Variants in CDH4 observed in about 807,000 individuals in gnomAD.
CDH4 encodes the protein cadherin 4, also known as cadherin-4.
In CDH4, 33 loss-of-function variants were observed where a neutral mutation model predicts 86.0. The ratio of observed to expected loss-of-function variants is 0.38; its 90% confidence interval spans 0.29 to 0.51. The LOEUF (loss-of-function observed/expected upper bound fraction) is 0.51, where lower values mean the gene tolerates loss of function less well. CDH4 is among the 20% of genes least tolerant of loss of function. The pLI, the probability that CDH4 is intolerant of heterozygous loss-of-function variation, is 0.86. For synonymous variants in CDH4, 555 were observed against 549.4 expected, an observed-to-expected ratio of 1.01 and a Z score of -0.14; for missense variants, 1,114 against 1,307.4, an observed-to-expected ratio of 0.85 and a Z score of 2.28.
intron 2 of CDH4, among the ~76,000 whole-genome samples, chr20:61,359,229 G>A (rs976868919): frequency 6.6e-6 from 1 of 152,156 alleles, no homozygotes; most frequent in Non-Finnish European, 1.5e-5. Context: ...ACCTGGCGAG[G>A]TATTTATTCT....
chr20:61,384,258 C>G (rs527836757), intron 2 of CDH4, among the ~76,000 whole-genome samples: 9 of 152,212 alleles, frequency 5.9e-5, no homozygotes, highest in African/African-American at 2.2e-4. Flanking sequence ...TAGGTTGACA[C>G]CCAGTATTAA....
intron 2 of CDH4, among the ~76,000 whole-genome samples, chr20:61,376,014 GATACTGTGGTTTGTGGATGGTAGT>G (rs2084869782): frequency 3.3e-5 from 3 of 91,890 alleles, no homozygotes; most frequent in African/African-American, 7.9e-5. Flanking sequence ...TGGTGGTGGT[GATACTGTGGTTTGTGGATGGTAGT>G]GTGATGGTCT....
chr20:61,851,918 C>T (rs1417728534), intron 5 of CDH4, among the ~76,000 whole-genome samples: 1 of 152,266 alleles, frequency 6.6e-6, no homozygotes, highest in African/African-American at 2.4e-5. Context: ...ATCTAGGGTC[C>T]AGCCCAGCAC....
At chr20:61,430,773 T>G (rs2145515158) in intron 2 of CDH4, among the ~76,000 whole-genome samples, 1 of 152,324 alleles carries the variant, frequency 6.6e-6, no homozygotes, top group South Asian at 2.1e-4. Flanking sequence ...TGAATTTTAT[T>G]TGGTAGCCTG....
intron 4 of CDH4, among the ~76,000 whole-genome samples, chr20:61,817,425 AC>A (rs1423674651): frequency 6.6e-6 from 1 of 150,442 alleles, no homozygotes; most frequent in Admixed American, 6.6e-5. Context: ...AGGCTTCCCC[AC>A]CCCCCAAATG....
intron 2 of CDH4, among the ~76,000 whole-genome samples, chr20:61,379,988 CTT>C (rs1163070454): frequency 7.1e-6 from 1 of 140,530 alleles, no homozygotes; most frequent in Non-Finnish European, 1.6e-5. Context: ...TTGTTGCAGA[CTT>C]TTTTTACAAA....
chr20:61,846,260 A>T (rs1436378347), intron 5 of CDH4, among the ~76,000 whole-genome samples: 1 of 152,232 alleles, frequency 6.6e-6, no homozygotes, highest in African/African-American at 2.4e-5. Context: ...CCTGATTGAC[A>T]GTGCCTGGGC....
chr20:61,323,245 T>C (rs953913781), intron 2 of CDH4, among the ~76,000 whole-genome samples: 1 of 152,198 alleles, frequency 6.6e-6, no homozygotes, highest in African/African-American at 2.4e-5. Flanking sequence ...TGCCACTAGC[T>C]GCAGGGCAGC....
Position 61,936,734 on chromosome 20 carries a change from C to A in CDH4, c.2545-3C>A. On this transcript the variant is annotated splice_region_variant and splice_polypyrimidine_tract_variant and intron_variant, in intron 15 of 15. Transcript: ENST00000614565. ...ACCCTAACTCTGTGTCTGTGACCCCCAGGGACTCCGCGCTGCTGACAACGA... is the reference window on the plus strand; with the variant it reads ...ACCCTAACTCTGTGTCTGTGACCCCAAGGGACTCCGCGCTGCTGACAACGA... 4.5e-6 allele frequency: 7 copies of A among 1,558,672 alleles called. No homozygotes were observed. The highest frequency in any genetic ancestry group is 6.1e-6 in the Non-Finnish European group (7 of 1,153,030).
At chr20:61,375,442 G>A (rs777854073) in intron 2 of CDH4, among the ~76,000 whole-genome samples, 45 of 150,968 alleles carry the variant, frequency 3.0e-4, no homozygotes, top group Non-Finnish European at 5.8e-4. Flanking sequence ...GGTCTTGGTG[G>A]TGGTAGTCAT....
At chr20:61,390,560 AC>A (rs2084977940) in intron 2 of CDH4, among the ~76,000 whole-genome samples, 1 of 138,146 alleles carries the variant, frequency 7.2e-6, no homozygotes, top group African/African-American at 2.6e-5. Flanking sequence ...TGTCTAGGAA[AC>A]CCCGATTGGG....
chr20:61,281,047 A>G (rs1012491795), intron 2 of CDH4, among the ~76,000 whole-genome samples: 2 of 152,230 alleles, frequency 1.3e-5, no homozygotes, highest in Non-Finnish European at 2.9e-5. Flanking sequence ...TAGGAGGGAC[A>G]TAATGGTAGA....
chr20:61,741,551 G>C (rs1047055230), intron 2 of CDH4, among the ~76,000 whole-genome samples: 51 of 152,058 alleles, frequency 3.4e-4, no homozygotes, highest in African/African-American at 1.2e-3. Flanking sequence ...GAGTGCCATG[G>C]CGTGATCTCG....
chr20:61,860,769 C>T (rs1983287574), intron 6 of CDH4, among the ~76,000 whole-genome samples: 2 of 152,164 alleles, frequency 1.3e-5, no homozygotes. Flanking sequence ...CAGCTGGTTT[C>T]CCCCTCCCGT....
chr20:61,598,247 G>A (rs1399052684), intron 2 of CDH4, among the ~76,000 whole-genome samples: 6 of 152,130 alleles, frequency 3.9e-5, no homozygotes, highest in Non-Finnish European at 8.8e-5. Flanking sequence ...TGGCTGCTGG[G>A]ACCTCTCCAA....
At chr20:61,260,946 T>A (rs1481335318) in intron 2 of CDH4, among the ~76,000 whole-genome samples, 2 of 152,212 alleles carry the variant, frequency 1.3e-5, no homozygotes, top group African/African-American at 4.8e-5. Flanking sequence ...GCATGGTGCA[T>A]CATCTGCAGG....
At position 61,829,571 on chromosome 20, in the gene CDH4, G is replaced by T. The variant is rs1163098939; in HGVS notation, c.577-15097G>T. 6.6e-6 allele frequency among the ~76,000 whole-genome samples: 1 copy of T among 152,224 alleles called. No individual in the cohort carries two copies. Among genetic ancestry groups the T allele is most frequent in the Non-Finnish European group, 1.5e-5 (1 of 68,036 alleles). ...CTGCTCGCCTTTCTGGAGGCCACGA[G>T]CCTGTTTTCCACGGCGGCTCTGCGG... On this transcript the variant is annotated intron_variant, in intron 4 of 15. Coordinates refer to ENST00000614565, the MANE Select transcript of CDH4 (RefSeq NM_001794.5). The surrounding 1 kb of genome is among the most constrained non-coding windows in gnomAD (Gnocchi z 4.2).
chr20:61,867,548 C>CA (rs3079324), intron 6 of CDH4, among the ~76,000 whole-genome samples: 59 of 88,036 alleles, frequency 6.7e-4, no homozygotes, highest in South Asian at 2.0e-3. Flanking sequence ...AGACTCCATC[C>CA]AAAAAAAAAA....
Position 61,447,219 on chromosome 20 carries a change from C to T in CDH4, c.169+192282C>T, listed in dbSNP as rs6062083. Among the ~76,000 whole-genome samples the T allele has an allele frequency of 2.9e-3, 440 of 152,068 alleles. 3 individuals carry two copies. Among genetic ancestry groups the T allele is most frequent in the Middle Eastern group, 0.01 (3 of 294 alleles). On this transcript the variant is annotated intron_variant, in intron 2 of 15. Coordinates refer to ENST00000614565, the MANE Select transcript of CDH4 (RefSeq NM_001794.5). ...TCACTCAGGCTGGTGTGCGGTGGTG[C>T]GATCTCAGCTCACTGCAACCTCCGC...
Sources: gnomAD v4.1 joint callset for allele counts (sites outside exome capture counted in the v4.1 genomes callset) on GRCh38, gnomAD v4.1.1 for gene constraint, Gnocchi (gnomAD v3.1) non-coding constraint, MANE v1.5 for transcripts, NCBI Gene and HGNC (gene_info 2026-07-23, HGNC 2026-07-21) for gene names.